The following ZNF367 variants were observed in gnomAD, a reference collection of about 807,000 sequenced individuals.
ZNF367 encodes the protein zinc finger protein 367, also known as C2H2 zinc finger protein ZFF29.
ZNF367 carries 11 observed loss-of-function variants against 31.8 expected under a neutral mutation model. That is an observed-to-expected ratio of 0.35 (90% confidence interval 0.22 to 0.57). ZNF367 has a LOEUF of 0.57. Among genes scored for constraint, ZNF367 ranks in the 20% least tolerant of loss-of-function variants. The pLI is 0.85. For missense variants in ZNF367, 353 were observed against 484.1 expected (o/e 0.73, Z 2.54); for synonymous variants, 199 against 202.4 (o/e 0.98, Z 0.14).
intron 1 of ZNF367, among the ~76,000 whole-genome samples, chr9:96,402,618 A>C (rs1306595311): frequency 4.0e-5 from 3 of 75,526 alleles, no homozygotes; most frequent in African/African-American, 5.8e-5. Flanking sequence ...ACGCCTGGCT[A>C]ATTTTTTTTT....
intron 1 of ZNF367, among the ~76,000 whole-genome samples, chr9:96,404,357 G>T (rs1461644531): frequency 6.6e-6 from 1 of 152,170 alleles, no homozygotes; most frequent in East Asian, 1.9e-4. Context: ...CACTTTGAGA[G>T]GCTGAGGCGA....
chr9:96,393,453 G>A (rs754972839), intron 3 of ZNF367, among the ~76,000 whole-genome samples: 1 of 151,940 alleles, frequency 6.6e-6, no homozygotes, highest in Non-Finnish European at 1.5e-5. Context: ...CTCAGGAGGC[G>A]AAGGTTTCAG....
intron 1 of ZNF367, among the ~76,000 whole-genome samples, chr9:96,402,333 A>G (rs1274162615): frequency 6.6e-6 from 1 of 152,074 alleles, no homozygotes; most frequent in Non-Finnish European, 1.5e-5. Context: ...TTTTAGAAAT[A>G]TATATACACC....
chr9:96,410,561 C>CAA (rs35609930), intron 1 of ZNF367, among the ~76,000 whole-genome samples: 3,285 of 69,500 alleles, frequency 0.047, 107 homozygotes, highest in South Asian at 0.084. Flanking sequence ...GACTCCGTCT[C>CAA]AAAAAAAAAA....
chr9:96,412,669 G>A (rs10760999), intron 1 of ZNF367, among the ~76,000 whole-genome samples: 36,911 of 150,372 alleles, frequency 0.25, 6,159 homozygotes, highest in African/African-American at 0.48. Context: ...GCTATACATA[G>A]TATGTATTTC....
chr9:96,393,490 C>T (rs1831496034), intron 3 of ZNF367, among the ~76,000 whole-genome samples: 4 of 151,434 alleles, frequency 2.6e-5, no homozygotes, highest in Non-Finnish European at 5.9e-5. Context: ...CACTGTACTC[C>T]AGCCTGGGCG....
At chr9:96,392,326 T>G (rs544557100) in intron 4 of ZNF367, 72 bp downstream of exon 4, 1 of 1,604,422 alleles carries the variant, frequency 6.2e-7, no homozygotes. Flanking sequence ...ATGAGAGGCA[T>G]GTCCAGGTCC....
rs1453313755 is a variant in ZNF367, at chr9:96,394,867, T to A, written c.647A>T (p.Gln216Leu). The change falls in exon 3 of 5, where the codon CAG becomes CTG. Residue 216 changes from glutamine (Q) to leucine (L), a missense_variant. Around this residue, in one of 5 missense-constraint regions of ZNF367, gnomAD observed 57 missense variants for 141.9 expected, o/e 0.40. Transcript: ENST00000375256. ...FVQSGQLKTH[Q>L]RLHTGEKPFV... ...AGGTTTCTCTCCGGTGTGAAGACGC[T>A]GATGTGTTTTGAGCTGTCCACTTTG... 1 of 1,614,170 alleles carries A rather than the reference T, an allele frequency of 6.2e-7. No individual in the cohort carries two copies. Among genetic ancestry groups the A allele is most frequent in the Admixed American group, 1.7e-5 (1 of 60,016 alleles).
rs1279058550 is a variant in ZNF367 at position 96,392,450 on chromosome 9, G to GT, written c.777dup (p.Leu260ThrfsTer39). On this transcript the variant is annotated frameshift_variant, in exon 4 of 5. Coordinates refer to ENST00000375256, the MANE Select transcript of ZNF367 (RefSeq NM_153695.4). LOFTEE classifies it high-confidence loss of function. ...TTGTCGGCAGCCTGATGTTTGCTGAGTGTGTCCGTGGGCTCCTCTCTCTTC... is the reference window on the plus strand; with the variant it reads ...TTGTCGGCAGCCTGATGTTTGCTGAGTTGTGTCCGTGGGCTCCTCTCTCTTC... 1 of 1,614,096 alleles carries GT rather than the reference G, an allele frequency of 6.2e-7. No homozygotes were observed. The highest frequency in any genetic ancestry group is 8.5e-7 in the Non-Finnish European group (1 of 1,180,032).
chr9:96,399,306 G>A (rs781116364), intron 1 of ZNF367, among the ~76,000 whole-genome samples: 1 of 152,086 alleles, frequency 6.6e-6, no homozygotes, highest in Non-Finnish European at 1.5e-5. Flanking sequence ...CTGGGAGAAG[G>A]TGGTTGTCCT....
At chr9:96,407,320 C>T (rs750885037) in intron 1 of ZNF367, 64 of 1,568,060 alleles carry the variant, frequency 4.1e-5, no homozygotes, top group Non-Finnish European at 5.4e-5. Flanking sequence ...ACACCGTAAA[C>T]GCTATGGATA....
At chr9:96,408,757 C>T (rs749261349) in intron 1 of ZNF367, among the ~76,000 whole-genome samples, 93 of 152,188 alleles carry the variant, frequency 6.1e-4, no homozygotes, top group Non-Finnish European at 7.9e-4. Flanking sequence ...AAAATATTAT[C>T]GGGTTTTTGC....
chr9:96,399,669 T>G (rs1831576260), intron 1 of ZNF367, among the ~76,000 whole-genome samples: 1 of 152,020 alleles, frequency 6.6e-6, no homozygotes. Flanking sequence ...AATACAAAAA[T>G]TAGCCAGGCA....
chr9:96,403,294 T>C (rs12002084), intron 1 of ZNF367, among the ~76,000 whole-genome samples: 4,430 of 151,982 alleles, frequency 0.029, 91 homozygotes, highest in Non-Finnish European at 0.046. Context: ...AGCCGATGGG[T>C]CAAAGAAGAA....
Position 96,402,619 on chromosome 9 carries a change from ATTTTTTTTTTTTTTTTTTT to A in ZNF367, c.421-4324_421-4306del, listed in dbSNP as rs61651699. 1.4e-4 allele frequency among the ~76,000 whole-genome samples: 10 copies of A among 70,204 alleles called. 1 individual carries two copies. The highest frequency in any genetic ancestry group is 7.8e-4 in the Admixed American group (4 of 5,132). 46.1% of individuals were successfully genotyped at this position (70,204 alleles called of 152,430 possible). Reference sequence around the variant, plus strand: ...AAGTGCCCACCACCACGCCTGGCTAATTTTTTTTTTTTTTTTTTTTTTTTTTGTATTTTTAGTAGAGACG... The same window carrying A: ...AAGTGCCCACCACCACGCCTGGCTAATTTTTTTGTATTTTTAGTAGAGACG... On this transcript the variant is annotated intron_variant, in intron 1 of 4. Transcript: ENST00000375256.
chr9:96,402,282 A>G (rs1029478648), intron 1 of ZNF367, among the ~76,000 whole-genome samples: 9 of 151,982 alleles, frequency 5.9e-5, no homozygotes, highest in Non-Finnish European at 1.2e-4. Context: ...GAAACAAAAG[A>G]AAAGAAGAAA....
rs1163353847 is a variant in ZNF367, at chr9:96,392,449, A to G, written c.779T>C (p.Leu260Pro). Residue 260 changes from leucine (L) to proline (P), a missense_variant, in exon 4 of 5, where the codon CTC (leucine) becomes CCC (proline). By Grantham distance (98) the Leu-to-Pro change is moderately conservative. This residue lies in a region of ZNF367 where 101 missense variants were observed against 140.0 expected (regional missense o/e 0.72). Transcript: ENST00000375256. ...GTTGTCGGCAGCCTGATGTTTGCTG[A>G]GTGTGTCCGTGGGCTCCTCTCTCTT... ...RLKREEPTDT[L>P]SKHQAADNKA... 6.2e-7 allele frequency: 1 copy of G among 1,614,114 alleles called. No homozygotes were observed. Among genetic ancestry groups the G allele is most frequent in the South Asian group, 1.1e-5 (1 of 91,070 alleles).
intron 4 of ZNF367, among the ~76,000 whole-genome samples, chr9:96,390,217 T>A (rs1265649985): frequency 6.6e-6 from 1 of 152,022 alleles, no homozygotes; most frequent in Non-Finnish European, 1.5e-5. Flanking sequence ...AAAGCTGTTT[T>A]TAAAATTACA....
chr9:96,404,176 C>T (rs1831641731), intron 1 of ZNF367, among the ~76,000 whole-genome samples: 1 of 151,300 alleles, frequency 6.6e-6, no homozygotes, highest in Non-Finnish European at 1.5e-5. Flanking sequence ...AAAACAAAAA[C>T]AAGGCCGGGC....
Sources: gnomAD v4.1 joint callset for allele counts (sites outside exome capture counted in the v4.1 genomes callset) on GRCh38, gnomAD v4.1.1 for gene constraint, gnomAD v4.1.1 regional missense constraint, MANE v1.5 for transcripts, NCBI Gene and HGNC (gene_info 2026-07-23, HGNC 2026-07-21) for gene names.